MYT1L: variants seen among roughly 807,000 people sequenced by gnomAD.
MYT1L encodes the protein myelin transcription factor 1 like.
In MYT1L, 12 loss-of-function variants were observed where a neutral mutation model predicts 126.7. The ratio of observed to expected loss-of-function variants is 0.09; its 90% CI spans 0.06 to 0.15. MYT1L has a LOEUF of 0.15. Ranked by LOEUF, MYT1L falls within the 10% of genes least tolerant of loss-of-function variation. MYT1L has a pLI of 1.00. For synonymous variants in MYT1L, 541 were observed against 604.2 expected (o/e 0.90, Z 1.53); for missense variants, 979 against 1,585.2 (o/e 0.62, Z 6.49).
At chr2:2,004,255 A>AT (rs1558697547) in intron 4 of MYT1L, among the ~76,000 whole-genome samples, 17 of 138,532 alleles carry the variant, frequency 1.2e-4, no homozygotes, top group Non-Finnish European at 2.0e-4. Context: ...TCTTTCCTGC[A>AT]GGCGTTCTTT....
intron 8 of MYT1L, among the ~76,000 whole-genome samples, chr2:1,952,873 CCCT>C (rs1224549475): frequency 1.4e-5 from 1 of 72,396 alleles, no homozygotes; most frequent in Non-Finnish European, 2.6e-5. Context: ...TCTTTCCCTT[CCCT>C]CCTTCCTTCC....
At chr2:2,053,216 ACAGAGAGAGAAAGCAGAATGCTGGGACC>A (rs1258180432) in intron 4 of MYT1L, among the ~76,000 whole-genome samples, 1 of 152,212 alleles carries the variant, frequency 6.6e-6, no homozygotes, top group Non-Finnish European at 1.5e-5. Context: ...GGTCATATTC[ACAGAGAGAGAAAGCAGAATGCTGGGACC>A]CAGAGAGTGT....
At chr2:1,915,851 G>C (rs1333624764) in intron 11 of MYT1L, among the ~76,000 whole-genome samples, 2 of 152,194 alleles carry the variant, frequency 1.3e-5, no homozygotes, top group African/African-American at 4.8e-5. Context: ...TGGAAAGAAA[G>C]GGTGGCAGAG....
At position 2,000,433 on chromosome 2, in the gene MYT1L, C is replaced by T. The variant is rs563715362; in HGVS notation, c.-157-3086G>A. Among the ~76,000 whole-genome samples, 5 of 152,312 alleles carry T rather than the reference C, an allele frequency of 3.3e-5. No homozygotes were observed. In the South Asian group the frequency reaches 1.0e-3, roughly 32 times the overall value. ...GACCTAATTTGTTTCTGTTTATTTG[C>T]TTTTGAAAACCAAGCATTCACAAGT... On this transcript the variant is annotated intron_variant, in intron 4 of 24. Coordinates refer to ENST00000647738, the MANE Select transcript of MYT1L (RefSeq NM_001303052.2).
rs535272409 is a variant in MYT1L, at chr2:2,215,034, A to T, written c.-420-42046T>A. Among the ~76,000 whole-genome samples, 6 of 152,316 alleles carry T rather than the reference A, an allele frequency of 3.9e-5. No homozygotes were observed. The South Asian group carries it at 6.2e-4, about 16-fold the overall frequency. ...GTAAAAAATTAAAGATGTATTTTAC[A>T]CATCCAAAGCGATGACTAAGATAAT... On this transcript the variant is annotated intron_variant, in intron 2 of 24. Transcript: ENST00000647738.
chr2:2,286,949 A>G (rs1028302290), intron 1 of MYT1L, among the ~76,000 whole-genome samples: 2 of 152,210 alleles, frequency 1.3e-5, no homozygotes, highest in African/African-American at 4.8e-5. Flanking sequence ...AGAGGGAGAC[A>G]CAGATACACA....
In MYT1L at chr2:1,832,274, G is replaced by T. The variant is rs1258406758; in HGVS notation, c.3080+6875C>A. 2.0e-5 allele frequency among the ~76,000 whole-genome samples: 3 copies of T among 152,306 alleles called. No homozygotes were observed. The East Asian group carries it at 5.8e-4, about 29-fold the overall frequency. On this transcript the variant is annotated intron_variant, in intron 21 of 24. Transcript: ENST00000647738. Reference sequence around the variant, plus strand: ...AAGGCCCCTGTCTGCCAACCAGGAAGAGAGGCCTCCCCAGAAACCAGATCA... The same window carrying T: ...AAGGCCCCTGTCTGCCAACCAGGAATAGAGGCCTCCCCAGAAACCAGATCA...
At chr2:2,266,589 G>C (rs2095135700) in intron 2 of MYT1L, among the ~76,000 whole-genome samples, 1 of 152,124 alleles carries the variant, frequency 6.6e-6, no homozygotes, top group Non-Finnish European at 1.5e-5. Context: ...CACAGGAGCA[G>C]GGAGTGGGCC....
chr2:2,199,569 G>A (rs181634953), intron 2 of MYT1L, among the ~76,000 whole-genome samples: 8 of 152,180 alleles, frequency 5.3e-5, no homozygotes, highest in East Asian at 1.9e-4. Flanking sequence ...CCCCGTCCTC[G>A]CATTTGATGG....
chr2:2,078,973 T>C (rs1234265990), intron 3 of MYT1L, among the ~76,000 whole-genome samples: 1 of 152,316 alleles, frequency 6.6e-6, no homozygotes, highest in African/African-American at 2.4e-5. Flanking sequence ...GGAGCCCATA[T>C]AGAGTAGCCT....
intron 3 of MYT1L, among the ~76,000 whole-genome samples, chr2:2,071,544 A>G (rs536547572): frequency 7.9e-5 from 12 of 152,354 alleles, no homozygotes; most frequent in African/African-American, 2.6e-4. Context: ...TGGAAAGACA[A>G]GAGTTCTCAG....
intron 18 of MYT1L, among the ~76,000 whole-genome samples, chr2:1,853,758 G>A (rs1346369175): frequency 6.6e-6 from 1 of 152,044 alleles, no homozygotes; most frequent in East Asian, 1.9e-4. Flanking sequence ...TTTTAATATG[G>A]CTAAACATTT....
At chr2:1,992,577 A>G (rs1448480513) in intron 5 of MYT1L, among the ~76,000 whole-genome samples, 3 of 152,198 alleles carry the variant, frequency 2.0e-5, no homozygotes, top group African/African-American at 7.2e-5. Flanking sequence ...CCTTTTCCTT[A>G]CTTGCCTTTG....
chr2:1,900,327 TCTCG>T (rs1171072980), intron 14 of MYT1L, among the ~76,000 whole-genome samples: 8 of 149,980 alleles, frequency 5.3e-5, no homozygotes, highest in African/African-American at 2.0e-4. Flanking sequence ...GAAGATGGAG[TCTCG>T]CTCTGTTGCC....
In MYT1L at chr2:1,922,531, G is replaced by A; in HGVS notation, c.1238C>T (p.Thr413Ile). ...TTCAGACCTGTCCGAGTTCACAGAGGTGGTATCGTCGTCCCGCTCATGACA... is the reference window on the plus strand; with the variant it reads ...TTCAGACCTGTCCGAGTTCACAGAGATGGTATCGTCGTCCCGCTCATGACA... ...DGCHERDDDT[T>I]SVNSDRSEEV... Residue 413 changes from threonine to isoleucine, a missense_variant, in exon 10 of 25, where the codon ACC becomes ATC. Physicochemically the swap from Thr to Ile is moderately conservative, Grantham distance 89 (BLOSUM62 -1). Coordinates refer to ENST00000647738, the MANE Select transcript of MYT1L (RefSeq NM_001303052.2). This position sits in a 1 kb window ranked among gnomAD's most constrained non-coding sequence, Gnocchi z 7.4. 1 of 1,613,926 alleles carries A rather than the reference G, an allele frequency of 6.2e-7. No homozygotes were observed. The highest frequency in any genetic ancestry group is 8.5e-7 in the Non-Finnish European group (1 of 1,179,888).
At chr2:2,003,406 T>C (rs2062606927) in intron 4 of MYT1L, among the ~76,000 whole-genome samples, 1 of 152,156 alleles carries the variant, frequency 6.6e-6, no homozygotes, top group Admixed American at 6.5e-5. Context: ...AGTCCAGGTT[T>C]GCCCACCGTC....
At chr2:2,240,884 AG>A (rs1165024161) in intron 2 of MYT1L, among the ~76,000 whole-genome samples, 1 of 152,228 alleles carries the variant, frequency 6.6e-6, no homozygotes, top group Non-Finnish European at 1.5e-5. Context: ...AGATATATGT[AG>A]GTCAAAAGTC....
chr2:2,181,648 C>G (rs1001008085), intron 2 of MYT1L, among the ~76,000 whole-genome samples: 1 of 152,126 alleles, frequency 6.6e-6, no homozygotes, highest in Admixed American at 6.5e-5. Flanking sequence ...CACGTGGAAG[C>G]GCTTTGTCTT....
chr2:2,100,362 AT>A (rs1339684196), intron 3 of MYT1L, among the ~76,000 whole-genome samples: 1 of 151,996 alleles, frequency 6.6e-6, no homozygotes, highest in East Asian at 1.9e-4. Flanking sequence ...ATATAGTAAC[AT>A]TTTTTTCTAA....
Sources: allele counts gnomAD v4.1 joint callset (sites outside exome capture counted in the v4.1 genomes callset), GRCh38; gene constraint gnomAD v4.1.1; non-coding constraint Gnocchi (gnomAD v3.1); transcripts MANE v1.5; gene names NCBI Gene and HGNC (gene_info 2026-07-23, HGNC 2026-07-21).